The following CIITA variants were observed in gnomAD, a reference collection of about 807,000 sequenced individuals.
The protein encoded by CIITA is MHC class II transactivator.
Under a neutral mutation model 115.1 loss-of-function variants are expected in CIITA, and 72 were observed. That is an observed-to-expected ratio of 0.63 (90% CI 0.52 to 0.76). CIITA has a LOEUF of 0.76. Ranked by LOEUF, CIITA falls within the 30% of genes least tolerant of loss-of-function variation. The probability of loss-of-function intolerance (pLI) is 0.00; values close to 1 mark genes in which losing one functional copy is unlikely to be tolerated. For synonymous variants in CIITA, 763 were observed against 635.6 expected, an observed-to-expected ratio of 1.20 and a Z score of -3.02; for missense variants, 1,617 against 1,463.8, an observed-to-expected ratio of 1.10 and a Z score of -1.71.
Position 10,901,694 on chromosome 16 carries a change from G to C in CIITA, c.481+136G>C, listed in dbSNP as rs755118959. On this transcript the variant is annotated intron_variant, in intron 6 of 19. Transcript: ENST00000324288. This position sits in a 1 kb window ranked among gnomAD's most constrained non-coding sequence, Gnocchi z 6.8. ...CTGCCCTTCTTTGGGTAGAGGCTGA[G>C]AGCTTGGGGTCCCTTAGAGTCCTCT... The C allele has an allele frequency of 1.2e-5, 12 of 973,768 alleles. No homozygotes were observed. Among genetic ancestry groups the C allele is most frequent in the Non-Finnish European group, 1.9e-5 (12 of 633,460 alleles). 60.3% of individuals were successfully genotyped at this position (973,768 alleles called of 1,614,324 possible). A position where few individuals can be genotyped will look rare whatever the true frequency, so the allele number is the denominator to read the frequency against.
Position 10,893,583 on chromosome 16 carries a change from C to T in CIITA, c.53-1699C>T, listed in dbSNP as rs1043859362. ...CACTTTGGGAGGCCGAGGAGACAGG[C>T]GGATCACTTGAGGTCAGGAGTTTGA... On this transcript the variant is annotated intron_variant, in intron 1 of 19. Transcript: ENST00000324288. 7.9e-5 allele frequency among the ~76,000 whole-genome samples: 12 copies of T among 151,964 alleles called. No homozygotes were observed. In the East Asian group the frequency reaches 2.1e-3, roughly 27 times the overall value.
chr16:10,909,972 C>A (rs774010371), intron 12 of CIITA, among the ~76,000 whole-genome samples: 19 of 152,146 alleles, frequency 1.2e-4, no homozygotes, highest in Non-Finnish European at 2.8e-4. Context: ...TGGCCTCAAG[C>A]AATCCTCCTG....
chr16:10,891,880 T>C (rs1472588588), intron 1 of CIITA, among the ~76,000 whole-genome samples: 1 of 152,180 alleles, frequency 6.6e-6, no homozygotes, highest in Non-Finnish European at 1.5e-5. Flanking sequence ...GCCGGTTATG[T>C]TTGGGTTCCT....
chr16:10,877,257 C>T lies in CIITA; in HGVS notation c.-74C>T. ...TTCTGAGCTGGGCATCCGAAGGCATCCTTGGGGAAGCTGAGGGCACGAGGA... is the reference window on the plus strand; with the variant it reads ...TTCTGAGCTGGGCATCCGAAGGCATTCTTGGGGAAGCTGAGGGCACGAGGA... On this transcript the variant is annotated 5_prime_UTR_variant, in exon 1 of 20. Coordinates refer to ENST00000324288, the MANE Select transcript of CIITA (RefSeq NM_000246.4). The T allele has an allele frequency of 7.0e-7, 1 of 1,431,666 alleles. No individual in the cohort carries two copies. Among genetic ancestry groups the T allele is most frequent in the Non-Finnish European group, 9.7e-7 (1 of 1,028,480 alleles). The allele number at this position is 1,431,666 out of a possible 1,614,324, so 88.7% of individuals were successfully genotyped here.
Position 10,901,612 on chromosome 16 carries a change from A to C in CIITA, c.481+54A>C, listed in dbSNP as rs1215596504. 10 of 1,568,686 alleles carry C rather than the reference A, an allele frequency of 6.4e-6. No homozygotes were observed. The African/African-American group carries it at 1.2e-4, about 19-fold the overall frequency. On this transcript the variant is annotated intron_variant, in intron 6 of 19. Coordinates refer to ENST00000324288, the MANE Select transcript of CIITA (RefSeq NM_000246.4). This position sits in a 1 kb window ranked among gnomAD's most constrained non-coding sequence, Gnocchi z 6.8. ...GAAGGGTGGATGCCTTGGGGAGGGGATGGAAGAGATTGAACTCCTGGCCCA... is the reference window on the plus strand; with the variant it reads ...GAAGGGTGGATGCCTTGGGGAGGGGCTGGAAGAGATTGAACTCCTGGCCCA...
In CIITA at chr16:10,905,187, C is replaced by T. The variant is rs113702530; in HGVS notation, c.1006+375C>T. ...AGTGAATAAGAGAATTACTAAATTACTAAATGCTTACTCTCACATACTGGT... is the reference window on the plus strand; with the variant it reads ...AGTGAATAAGAGAATTACTAAATTATTAAATGCTTACTCTCACATACTGGT... On this transcript the variant is annotated intron_variant, in intron 10 of 19. Transcript: ENST00000324288. 5.0e-3 allele frequency among the ~76,000 whole-genome samples: 755 copies of T among 152,312 alleles called. 4 individuals carry two copies. Among genetic ancestry groups the T allele is most frequent in the African/African-American group, 0.018 (731 of 41,562 alleles).
At chr16:10,918,660 C>T (rs1442099292) in intron 16 of CIITA, 134 bp downstream of exon 16, 10 of 731,998 alleles carry the variant, frequency 1.4e-5, no homozygotes, top group Admixed American at 5.2e-5. Flanking sequence ...AAAGGATTAG[C>T]GGGACGTGGT....
chr16:10,917,421 G>A (rs2040015237), intron 15 of CIITA, among the ~76,000 whole-genome samples: 1 of 150,298 alleles, frequency 6.7e-6, no homozygotes, highest in Admixed American at 6.6e-5. Context: ...CCATCCTCCT[G>A]CCTCTGCCTC....
rs1457517873 is a variant in CIITA, at chr16:10,922,953, C to G, written c.3318-275C>G. 4 of 548,882 alleles carry G rather than the reference C, an allele frequency of 7.3e-6. No individual in the cohort carries two copies. In the East Asian group the frequency reaches 9.3e-5, roughly 13 times the overall value. 34.0% of individuals were successfully genotyped at this position (548,882 alleles called of 1,614,324 possible). A position where few individuals can be genotyped will look rare whatever the true frequency, so the allele number is the denominator to read the frequency against. Reference sequence around the variant, plus strand: ...TCTAAGACGCACAGGGTGGGTCTTACAAGACCCATTTTACAGATGAGGAAA... The same window carrying G: ...TCTAAGACGCACAGGGTGGGTCTTAGAAGACCCATTTTACAGATGAGGAAA... On this transcript the variant is annotated intron_variant, in intron 18 of 19. Coordinates refer to ENST00000324288, the MANE Select transcript of CIITA (RefSeq NM_000246.4).
chr16:10,903,781 C>T lies in CIITA; in HGVS notation c.823C>T (p.His275Tyr). Residue 275 changes from histidine (H) to tyrosine (Y), a missense_variant, in exon 9 of 20, where the codon CAC (histidine) becomes TAC (tyrosine). Coordinates refer to ENST00000324288, the MANE Select transcript of CIITA (RefSeq NM_000246.4). Reference protein sequence around the residue: ...QVPPPSGFTVHGLPTSPDRPG... With the variant: ...QVPPPSGFTVYGLPTSPDRPG... ...ACCCCCTCCCAGTGGATTCACTGTC[C>T]ACGGCCTCCCAACATCTCCAGACCG... 2 of 1,614,154 alleles carry T rather than the reference C, an allele frequency of 1.2e-6. No individual in the cohort carries two copies. Among genetic ancestry groups the T allele is most frequent in the South Asian group, 2.2e-5 (2 of 91,084 alleles).
intron 5 of CIITA, among the ~76,000 whole-genome samples, chr16:10,900,134 C>G (rs2038571554): frequency 6.6e-6 from 1 of 152,134 alleles, no homozygotes; most frequent in South Asian, 2.1e-4. Context: ...CCTCCCACTC[C>G]TGTTCTGTAG....
chr16:10,888,069 C>G, intron 1 of CIITA, among the ~76,000 whole-genome samples: 1 of 152,114 alleles, frequency 6.6e-6, no homozygotes, highest in Non-Finnish European at 1.5e-5. Context: ...GAGAAATCTC[C>G]CCTGGTCACT....
At position 10,922,263 on chromosome 16, in the gene CIITA, G is replaced by T; in HGVS notation, c.3233+13G>T. 1.2e-6 allele frequency: 2 copies of T among 1,613,886 alleles called. No homozygotes were observed. Among genetic ancestry groups the T allele is most frequent in the African/African-American group, 2.7e-5 (2 of 75,064 alleles). On this transcript the variant is annotated intron_variant, in intron 17 of 19. Transcript: ENST00000324288. ...TCCGGGTGATGGAGTGAGTGTGGGA[G>T]TCTGGGCGGTGGGTGGCTCAGCCCG... is the stretch of plus-strand genomic sequence containing the variant.
chr16:10,906,866 TC>T lies in CIITA; in HGVS notation c.1376del (p.Pro459ArgfsTer30). ...FSVPCHCLNRPGDAYGLQDLL... is the reference protein window; with the variant it reads ...FSVPCHCLNRXGDAYGLQDLL... ...CTGTCCCCTGCCATTGCTTGAACCG[TC>T]CGGGGGATGCCTATGGCCTGCAGGA... On this transcript the variant is annotated frameshift_variant, in exon 11 of 20. Transcript: ENST00000324288. LOFTEE classifies it high-confidence loss of function. 1 of 1,613,504 alleles carries T rather than the reference TC, an allele frequency of 6.2e-7. No homozygotes were observed. The highest frequency in any genetic ancestry group is 8.5e-7 in the Non-Finnish European group (1 of 1,180,024).
chr16:10,866,536 G>A (rs374775878), intron 1 of CIITA: 158 of 551,206 alleles, frequency 2.9e-4, no homozygotes, highest in Non-Finnish European at 3.6e-4. Context: ...GCAGCCCCCA[G>A]CAGCCGAGAG....
At position 10,929,145 on chromosome 16, in the gene CIITA, C is replaced by T. The variant is rs1164402320; in HGVS notation, c.*5290C>T. ...TCCTCAGCTTCTTTTTCTTCTGAGT[C>T]ACCCCTGAAACAGTCGCTGCATCTA... On this transcript the variant is annotated 3_prime_UTR_variant, in exon 20 of 20. Coordinates refer to ENST00000324288, the MANE Select transcript of CIITA (RefSeq NM_000246.4). This position sits in a 1 kb window ranked among gnomAD's most constrained non-coding sequence, Gnocchi z 4.3. The T allele has an allele frequency of 1.1e-6, 1 of 906,182 alleles. No homozygotes were observed. Among genetic ancestry groups the T allele is most frequent in the African/African-American group, 1.8e-5 (1 of 55,604 alleles). 56.1% of individuals were successfully genotyped at this position (906,182 alleles called of 1,614,324 possible).
rs1024708337 is a variant in CIITA at position 10,942,682 on chromosome 16, G to C, written n.1808G>C. Reference sequence around the variant, plus strand: ...GAATTCGCTCTGCGTATCGAATAGGGGGAGGTAAAAGAGACTGAACACAGT... The same window carrying C: ...GAATTCGCTCTGCGTATCGAATAGGCGGAGGTAAAAGAGACTGAACACAGT... On this transcript the variant is annotated non_coding_transcript_exon_variant, in exon 2 of 2. Coordinates refer to the CIITA transcript ENST00000573379. The surrounding 1 kb of genome is among the most constrained non-coding windows in gnomAD (Gnocchi z 5.0). The C allele has an allele frequency of 2.0e-5, 3 of 152,308 alleles. No homozygotes were observed. Among genetic ancestry groups the C allele is most frequent in the Non-Finnish European group, 2.9e-5 (2 of 68,082 alleles). 9.4% of individuals were successfully genotyped at this position (152,308 alleles called of 1,614,324 possible). A position where few individuals can be genotyped will look rare whatever the true frequency, so the allele number is the denominator to read the frequency against.
upstream of CIITA, among the ~76,000 whole-genome samples, chr16:10,873,803 C>CAGCA (rs2035642157): frequency 6.6e-6 from 1 of 152,056 alleles, no homozygotes; most frequent in Admixed American, 6.6e-5. Flanking sequence ...GTTTCTGACT[C>CAGCA]GAGACAAATA....
At position 10,895,727 on chromosome 16, in the gene CIITA, A is replaced by G. The variant is rs138389258; in HGVS notation, c.258A>G (p.Glu86=). ...DQFSRLLCDM[E]GDEETREAYA... is the part of the protein sequence containing the mutation. ...TCAGCAGGCTGTTGTGTGACATGGA[A>G]GGTGATGAAGAGACCAGGGAGGCTT... Residue 86 remains glutamate, a synonymous_variant, in exon 3 of 20, where the codon GAA becomes GAG. Transcript: ENST00000324288. The G allele has an allele frequency of 6.2e-7, 1 of 1,614,162 alleles. No individual in the cohort carries two copies. The highest frequency in any genetic ancestry group is 1.3e-5 in the African/African-American group (1 of 75,022).
Sources: allele counts gnomAD v4.1 joint callset (sites outside exome capture counted in the v4.1 genomes callset), GRCh38; gene constraint gnomAD v4.1.1; non-coding constraint Gnocchi (gnomAD v3.1); transcripts MANE v1.5; gene names NCBI Gene and HGNC (gene_info 2026-07-23, HGNC 2026-07-21).